Variants in NCAPD3 observed in about 807,000 individuals in gnomAD.
NCAPD3 encodes condensin-2 complex subunit D3.
In NCAPD3, 105 loss-of-function variants were observed where a neutral mutation model predicts 182.9. That is an observed-to-expected ratio of 0.57 (90% confidence interval 0.49 to 0.68). The LOEUF is 0.68. NCAPD3 is among the 30% of genes least tolerant of loss of function. The pLI is 0.00. For missense variants in NCAPD3, 1,944 were observed against 1,837.0 expected, an observed-to-expected ratio of 1.06 and a Z score of -1.07; for synonymous variants, 815 against 679.9, an observed-to-expected ratio of 1.20 and a Z score of -3.09.
At chr11:134,171,167 C>A (rs537344786) in intron 24 of NCAPD3, among the ~76,000 whole-genome samples, 1 of 152,080 alleles carries the variant, frequency 6.6e-6, no homozygotes, top group Admixed American at 6.6e-5. Context: ...CCCTCAGGAC[C>A]ACCACTAGGA....
Position 134,164,552 on chromosome 11 carries a change from G to A in NCAPD3, c.3574-2661C>T, listed in dbSNP as rs566647818. 2.0e-5 allele frequency among the ~76,000 whole-genome samples: 3 copies of A among 152,384 alleles called. No individual in the cohort carries two copies. In the South Asian group the frequency reaches 6.2e-4, roughly 32 times the overall value. ...GGTGAGAAGAGTGGGACACTCACTTGTGAAATGAGCTTAGGGGAGCTGCAC... is the reference window on the plus strand; with the variant it reads ...GGTGAGAAGAGTGGGACACTCACTTATGAAATGAGCTTAGGGGAGCTGCAC... On this transcript the variant is annotated intron_variant, in intron 27 of 34. Coordinates refer to ENST00000534548, the MANE Select transcript of NCAPD3 (RefSeq NM_015261.3).
intron 27 of NCAPD3, among the ~76,000 whole-genome samples, chr11:134,167,354 A>T (rs1415050207): frequency 1.6e-5 from 1 of 61,340 alleles, no homozygotes; most frequent in African/African-American, 9.1e-5. Context: ...TCGTGAGATG[A>T]GCTTGGGGGA....
intron 2 of NCAPD3, among the ~76,000 whole-genome samples, chr11:134,218,780 G>A (rs77126860): frequency 1.3e-5 from 2 of 151,974 alleles, no homozygotes; most frequent in East Asian, 3.9e-4. Flanking sequence ...TCCCAAAATT[G>A]TAACTCCGGA....
intron 20 of NCAPD3, among the ~76,000 whole-genome samples, chr11:134,179,554 A>T (rs150788173): frequency 6.6e-6 from 1 of 152,354 alleles, no homozygotes; most frequent in Non-Finnish European, 1.5e-5. Flanking sequence ...TGTTTCGATT[A>T]GCTCTGGTGA....
intron 29 of NCAPD3, among the ~76,000 whole-genome samples, chr11:134,158,736 A>G (rs1017884799): frequency 3.9e-5 from 6 of 152,176 alleles, no homozygotes; most frequent in East Asian, 1.9e-4. Flanking sequence ...TTAAACTGTA[A>G]TATCTCCACT....
intron 24 of NCAPD3, among the ~76,000 whole-genome samples, chr11:134,174,382 C>CAAAAAAAAAAAA (rs34533048): frequency 1.9e-5 from 1 of 53,634 alleles, no homozygotes; most frequent in Non-Finnish European, 3.2e-5. Flanking sequence ...GACCCTGTCT[C>CAAAAAAAAAAAA]AAAAAAAAAA....
At chr11:134,179,642 C>T (rs1373436233) in intron 20 of NCAPD3, among the ~76,000 whole-genome samples, 1 of 152,188 alleles carries the variant, frequency 6.6e-6, no homozygotes, top group African/African-American at 2.4e-5. Flanking sequence ...AGCTATTTCA[C>T]ATTTTGAAAC....
At position 134,182,931 on chromosome 11, in the gene NCAPD3, G is replaced by T. The variant is rs113005558; in HGVS notation, c.2451+1706C>A. ...GCTCCTCTGTCAACCACCAAGTGAG[G>T]TTGTGTCGGCAGATTAAAACCGTGG... On this transcript the variant is annotated intron_variant, in intron 19 of 34. Transcript: ENST00000534548. 8.6e-3 allele frequency: 2,667 copies of T among 308,762 alleles called. 13 individuals are homozygous for T. The highest frequency in any genetic ancestry group is 0.012 in the Non-Finnish European group (1,928 of 154,314). The allele number at this position is 308,762 out of a possible 1,614,324, so 19.1% of individuals were successfully genotyped here.
intron 27 of NCAPD3, among the ~76,000 whole-genome samples, chr11:134,165,826 G>A (rs1257954325): frequency 6.9e-6 from 1 of 145,370 alleles, no homozygotes; most frequent in Non-Finnish European, 1.5e-5. Flanking sequence ...AGATGAGCTT[G>A]GGGGAGGCGC....
intron 13 of NCAPD3, among the ~76,000 whole-genome samples, chr11:134,199,459 T>C (rs79496564): frequency 0.013 from 1,945 of 152,332 alleles, 36 homozygotes; most frequent in African/African-American, 0.044. Flanking sequence ...TAGGATTTTC[T>C]GATTTTGCAA....
At chr11:134,208,365 T>C (rs1937696660) in intron 7 of NCAPD3, among the ~76,000 whole-genome samples, 1 of 152,220 alleles carries the variant, frequency 6.6e-6, no homozygotes, top group African/African-American at 2.4e-5. Flanking sequence ...AACCCAGGTA[T>C]CCATGCTGAC....
At chr11:134,153,446 A>G in intron 32 of NCAPD3, 83 bp from the exon 33 acceptor site, 1 of 1,402,204 alleles carries the variant, frequency 7.1e-7, no homozygotes, top group Non-Finnish European at 1.0e-6. Flanking sequence ...GGACGTAGGC[A>G]GGGTGTCCAC....
chr11:134,157,725 G>C lies in NCAPD3; in HGVS notation c.4174+203C>G, dbSNP rs186659703. ...AGGAAGGAATGCCTCACTGCTATGGGTGAGTTTCATATTTCACTCTATTTT... is the reference window on the plus strand; with the variant it reads ...AGGAAGGAATGCCTCACTGCTATGGCTGAGTTTCATATTTCACTCTATTTT... On this transcript the variant is annotated intron_variant, in intron 31 of 34. Coordinates refer to ENST00000534548, the MANE Select transcript of NCAPD3 (RefSeq NM_015261.3). Among the ~76,000 whole-genome samples, 3 of 152,236 alleles carry C rather than the reference G, an allele frequency of 2.0e-5. No homozygotes were observed. In the East Asian group the frequency reaches 5.8e-4, roughly 29 times the overall value.
intron 18 of NCAPD3, 30 bp downstream of exon 18, chr11:134,184,873 T>G (rs1471371439): frequency 6.4e-7 from 1 of 1,551,866 alleles, no homozygotes; most frequent in Admixed American, 1.7e-5. Flanking sequence ...GCAATGCATT[T>G]TCACATAAGA....
intron 16 of NCAPD3, among the ~76,000 whole-genome samples, chr11:134,189,301 T>G (rs1178832862): frequency 1.3e-5 from 2 of 152,178 alleles, no homozygotes; most frequent in African/African-American, 4.8e-5. Context: ...AGTTTTTAAA[T>G]TTCTAAATTT....
At chr11:134,178,071 AC>A (rs1944212880) in intron 22 of NCAPD3, 1 of 152,344 alleles carries the variant, frequency 6.6e-6, no homozygotes, top group Non-Finnish European at 1.5e-5. Flanking sequence ...AAATAAAAAA[AC>A]AAAAAAACAA....
intron 1 of NCAPD3, among the ~76,000 whole-genome samples, chr11:134,222,456 G>A (rs190433716): frequency 5.9e-5 from 9 of 152,276 alleles, no homozygotes; most frequent in East Asian, 5.8e-4. Context: ...GAGTCAGAAC[G>A]AGGCAAATAT....
intron 6 of NCAPD3, 73 bp from the exon 7 acceptor site, chr11:134,209,024 T>A: frequency 1.7e-5 from 24 of 1,447,182 alleles, no homozygotes; most frequent in Non-Finnish European, 2.3e-5. Context: ...CTACAAGCCA[T>A]GTTTAAATGA....
chr11:134,203,600 T>C (rs1259456397), intron 11 of NCAPD3, 54 bp downstream of exon 11: 28 of 1,585,274 alleles, frequency 1.8e-5, no homozygotes, highest in Non-Finnish European at 2.4e-5. Flanking sequence ...CCTTGCAGTC[T>C]ATTTCTCAAT....
Sources: gnomAD v4.1 joint callset for allele counts (sites outside exome capture counted in the v4.1 genomes callset) on GRCh38, gnomAD v4.1.1 for gene constraint, MANE v1.5 for transcripts, NCBI Gene and HGNC (gene_info 2026-07-23, HGNC 2026-07-21) for gene names.